Variants in CNTNAP2 observed in about 807,000 individuals in gnomAD.
CNTNAP2 encodes the protein contactin associated protein 2.
Under a neutral mutation model 155.2 loss-of-function variants are expected in CNTNAP2, and 98 were observed. The ratio of observed to expected loss-of-function variants is 0.63; its 90% CI spans 0.54 to 0.75. The LOEUF (loss-of-function observed/expected upper bound fraction) is 0.75. Among genes scored for constraint, CNTNAP2 ranks in the 30% least tolerant of loss-of-function variants. The pLI is 0.00. For missense variants in CNTNAP2, 1,727 were observed against 1,688.1 expected, an observed-to-expected ratio of 1.02 and a Z score of -0.40; for synonymous variants, 651 against 631.2, an observed-to-expected ratio of 1.03 and a Z score of -0.47.
chr7:146,599,757 G>GAT (rs1349634843), intron 1 of CNTNAP2, among the ~76,000 whole-genome samples: 2 of 151,534 alleles, frequency 1.3e-5, no homozygotes, highest in African/African-American at 4.9e-5. Context: ...TAGATAGATA[G>GAT]ATAGATAGAT....
At chr7:147,414,210 C>T (rs578003674) in intron 10 of CNTNAP2, among the ~76,000 whole-genome samples, 2 of 151,534 alleles carry the variant, frequency 1.3e-5, no homozygotes, top group African/African-American at 4.9e-5. Context: ...CGATCGCTTG[C>T]GATCAGGAGT....
In CNTNAP2 at chr7:147,366,897, A is replaced by G. The variant is rs113011797; in HGVS notation, c.1499-28712A>G. Among the ~76,000 whole-genome samples, 1,351 of 152,190 alleles carry G rather than the reference A, an allele frequency of 8.9e-3. 19 individuals carry two copies. Among genetic ancestry groups the G allele is most frequent in the African/African-American group, 0.031 (1,282 of 41,494 alleles). ...ATTTTAGAGACTCGCAATATAATTT[A>G]TTATATATCCACTTTCGTAAAAGTT... On this transcript the variant is annotated intron_variant, in intron 9 of 23. Coordinates refer to ENST00000361727, the MANE Select transcript of CNTNAP2 (RefSeq NM_014141.6).
At chr7:147,117,139 G>T (rs756676165) in intron 5 of CNTNAP2, among the ~76,000 whole-genome samples, 1 of 152,110 alleles carries the variant, frequency 6.6e-6, no homozygotes, top group Non-Finnish European at 1.5e-5. Flanking sequence ...AGTATGTGCA[G>T]ACCTCCCGCC....
intron 9 of CNTNAP2, among the ~76,000 whole-genome samples, chr7:147,375,702 T>G (rs1179479753): frequency 1.3e-5 from 2 of 152,068 alleles, no homozygotes; most frequent in African/African-American, 4.8e-5. Flanking sequence ...CTAAAGTAGT[T>G]TTTCACCATT....
At chr7:146,228,690 C>T (rs938572399) in intron 1 of CNTNAP2, among the ~76,000 whole-genome samples, 13 of 152,138 alleles carry the variant, frequency 8.5e-5, no homozygotes, top group African/African-American at 2.9e-4. Context: ...CATTTCATCT[C>T]TTTATGCAAT....
intron 1 of CNTNAP2, among the ~76,000 whole-genome samples, chr7:146,642,035 T>C (rs1430777316): frequency 6.6e-6 from 1 of 152,114 alleles, no homozygotes; most frequent in East Asian, 1.9e-4. Context: ...TGAAGAGAAC[T>C]TTTAGGTTGG....
chr7:147,688,017 C>T (rs1034772223), intron 13 of CNTNAP2, among the ~76,000 whole-genome samples: 2 of 152,110 alleles, frequency 1.3e-5, no homozygotes, highest in Non-Finnish European at 2.9e-5. Context: ...TGCATATAAT[C>T]CCTGCTGACG....
chr7:146,972,528 C>T (rs149649187), intron 3 of CNTNAP2, among the ~76,000 whole-genome samples: 216 of 152,090 alleles, frequency 1.4e-3, no homozygotes, highest in African/African-American at 4.9e-3. Context: ...GCATCAATGA[C>T]CATATAAAGC....
intron 18 of CNTNAP2, among the ~76,000 whole-genome samples, chr7:148,174,567 C>T (rs1794900397): frequency 6.6e-6 from 1 of 152,200 alleles, no homozygotes; most frequent in South Asian, 2.1e-4. Flanking sequence ...GAAAACATCG[C>T]TAATATTTTG....
intron 3 of CNTNAP2, among the ~76,000 whole-genome samples, chr7:147,038,172 C>T (rs982515): frequency 0.57 from 86,792 of 151,890 alleles, 26,260 homozygotes; most frequent in African/African-American, 0.77. Context: ...TAAAATATAA[C>T]AATAAAAATA....
intron 22 of CNTNAP2, among the ~76,000 whole-genome samples, chr7:148,388,933 T>TCTGCC (rs1180572862): frequency 6.6e-6 from 1 of 152,108 alleles, no homozygotes; most frequent in Non-Finnish European, 1.5e-5. Flanking sequence ...GAAGTGTCAG[T>TCTGCC]CTGCCCCTAC....
chr7:148,389,066 T>C (rs1344725244), intron 22 of CNTNAP2, among the ~76,000 whole-genome samples: 1 of 152,182 alleles, frequency 6.6e-6, no homozygotes, highest in Non-Finnish European at 1.5e-5. Flanking sequence ...TTTTCAAAGC[T>C]CAGATGGAAA....
At chr7:147,320,704 CA>C (rs1795335355) in intron 9 of CNTNAP2, among the ~76,000 whole-genome samples, 1 of 152,138 alleles carries the variant, frequency 6.6e-6, no homozygotes, top group Non-Finnish European at 1.5e-5. Flanking sequence ...ATTGCTGGTC[CA>C]TAGCAATTTT....
intron 1 of CNTNAP2, among the ~76,000 whole-genome samples, chr7:146,498,947 T>C (rs1333843528): frequency 6.6e-6 from 1 of 152,182 alleles, no homozygotes; most frequent in Non-Finnish European, 1.5e-5. Flanking sequence ...ATCTATGGTG[T>C]CACATTTTTA....
At chr7:148,356,900 C>CAAA (rs898262041) in intron 21 of CNTNAP2, among the ~76,000 whole-genome samples, 14 of 147,480 alleles carry the variant, frequency 9.5e-5, no homozygotes, top group African/African-American at 3.5e-4. Flanking sequence ...ATTAAAAAAA[C>CAAA]AAAAAAACAA....
intron 13 of CNTNAP2, among the ~76,000 whole-genome samples, chr7:147,810,063 A>G (rs1178509393): frequency 6.6e-6 from 1 of 152,232 alleles, no homozygotes. Flanking sequence ...TAAAAAGAGT[A>G]AACGTGGATG....
At chr7:147,350,317 T>C (rs898760115) in intron 9 of CNTNAP2, among the ~76,000 whole-genome samples, 13 of 151,930 alleles carry the variant, frequency 8.6e-5, no homozygotes, top group African/African-American at 3.1e-4. Flanking sequence ...AACATGTTTA[T>C]TTACAAAGTG....
At chr7:147,137,629 T>C (rs1052325468) in intron 8 of CNTNAP2, among the ~76,000 whole-genome samples, 5 of 151,888 alleles carry the variant, frequency 3.3e-5, no homozygotes, top group African/African-American at 1.2e-4. Context: ...AGCCAATTTC[T>C]TAAAAGTTTC....
At chr7:147,772,921 C>T (rs1797497997) in intron 13 of CNTNAP2, among the ~76,000 whole-genome samples, 1 of 152,154 alleles carries the variant, frequency 6.6e-6, no homozygotes, top group South Asian at 2.1e-4. Context: ...GAGTCATATC[C>T]ACACCCTCTT....
Sources: gnomAD v4.1 joint callset for allele counts (sites outside exome capture counted in the v4.1 genomes callset) on GRCh38, gnomAD v4.1.1 for gene constraint, MANE v1.5 for transcripts, NCBI Gene and HGNC (gene_info 2026-07-23, HGNC 2026-07-21) for gene names.